Variants in KLC1 observed in about 807,000 individuals in gnomAD.
KLC1 encodes kinesin 2 60/70kDa.
A neutral mutation model predicts 84.2 loss-of-function variants in KLC1; 30 were observed. That is an observed-to-expected ratio of 0.36 (90% CI 0.27 to 0.48). The LOEUF is 0.48. Ranked by LOEUF, KLC1 falls within the 20% of genes least tolerant of loss-of-function variation. The pLI is 0.99. For synonymous variants in KLC1, 289 were observed against 293.3 expected (o/e 0.99, Z 0.15); for missense variants, 499 against 805.4 (o/e 0.62, Z 4.60).
chr14:103,654,919 G>A (rs1470285470), intron 2 of KLC1, 94 bp downstream of exon 2: 1 of 1,373,180 alleles, frequency 7.3e-7, no homozygotes, highest in Non-Finnish European at 9.9e-7. Flanking sequence ...GAAGAGGAAA[G>A]ATGATTATAG....
chr14:103,651,312 ATTAC>A (rs2078423160), intron 1 of KLC1, among the ~76,000 whole-genome samples: 1 of 151,954 alleles, frequency 6.6e-6, no homozygotes. Flanking sequence ...CCAGCTTGCC[ATTAC>A]TTTTATTCAT....
intron 2 of KLC1, among the ~76,000 whole-genome samples, chr14:103,656,733 G>A (rs929228168): frequency 3.3e-5 from 5 of 152,088 alleles, no homozygotes; most frequent in South Asian, 2.1e-4. Flanking sequence ...TTTTGGTGTC[G>A]CAGATAAGAG....
Position 103,693,884 on chromosome 14 carries a change from G to T in KLC1, c.1848+1459G>T. The T allele has an allele frequency of 7.5e-7, 1 of 1,338,912 alleles. No individual in the cohort carries two copies. Among genetic ancestry groups the T allele is most frequent in the South Asian group, 1.9e-5 (1 of 52,774 alleles). 82.9% of individuals were successfully genotyped at this position (1,338,912 alleles called of 1,614,324 possible). ...CTCAGGGAGGCCGAGGTGGCGCTGA[G>T]GTGGCTTCAGCACGCTGGGGATTGG... is the stretch of plus-strand genomic sequence containing the variant. On this transcript the variant is annotated intron_variant, in intron 15 of 16. Transcript: ENST00000334553. The surrounding 1 kb of genome is among the most constrained non-coding windows in gnomAD (Gnocchi z 5.1).
intron 13 of KLC1, among the ~76,000 whole-genome samples, chr14:103,680,800 A>G (rs944275808): frequency 6.6e-6 from 1 of 152,236 alleles, no homozygotes; most frequent in African/African-American, 2.4e-5. Flanking sequence ...CAAGTCCTTT[A>G]TCTAGGCTGT....
chr14:103,634,895 T>TCTTAAGGATG (rs2076940576), intron 1 of KLC1, among the ~76,000 whole-genome samples: 1 of 152,214 alleles, frequency 6.6e-6, no homozygotes, highest in Non-Finnish European at 1.5e-5. Flanking sequence ...GCCTGTTTCC[T>TCTTAAGGATG]GAGAATATTA....
intron 5 of KLC1, among the ~76,000 whole-genome samples, chr14:103,666,075 G>T (rs894106792): frequency 2.6e-5 from 4 of 151,300 alleles, no homozygotes; most frequent in African/African-American, 7.3e-5. Context: ...GCTTCTTTTT[G>T]TTTTTTTTGA....
rs542368758 is a variant in KLC1, at chr14:103,701,140, G to T, written c.*2-61G>T. 10 of 1,545,692 alleles carry T rather than the reference G, an allele frequency of 6.5e-6. 1 individual carries two copies. The South Asian group carries it at 9.5e-5, about 15-fold the overall frequency. ...TCCCCAGAGAGCTGTTTCCAGAACA[G>T]AACTTAGTAACACTGTCAGGTTTTG... On this transcript the variant is annotated intron_variant, in intron 16 of 16. Transcript: ENST00000334553.
At position 103,694,218 on chromosome 14, in the gene KLC1, T is replaced by G. The variant is rs1011856766; in HGVS notation, c.1848+1793T>G. 2.0e-6 allele frequency: 2 copies of G among 984,346 alleles called. No individual in the cohort carries two copies. The highest frequency in any genetic ancestry group is 2.4e-6 in the Non-Finnish European group (2 of 829,720). 61.0% of individuals were successfully genotyped at this position (984,346 alleles called of 1,614,324 possible). On this transcript the variant is annotated intron_variant, in intron 15 of 16. Transcript: ENST00000334553. This position sits in a 1 kb window ranked among gnomAD's most constrained non-coding sequence, Gnocchi z 4.5. Reference sequence around the variant, plus strand: ...TGAGCTGTGTTCTCCCGGACGCCCCTGCACACGAAGCCCATAGAGACGTGT... The same window carrying G: ...TGAGCTGTGTTCTCCCGGACGCCCCGGCACACGAAGCCCATAGAGACGTGT...
Position 103,633,292 on chromosome 14 carries a change from C to T in KLC1, c.-2+3798C>T, listed in dbSNP as rs139780102. ...CAGGATGGTCTCCATCTCCTGACCTCGTGATCCGCCCGCCTTGGCCTCTCA... is the reference window on the plus strand; with the variant it reads ...CAGGATGGTCTCCATCTCCTGACCTTGTGATCCGCCCGCCTTGGCCTCTCA... On this transcript the variant is annotated intron_variant, in intron 1 of 16. Transcript: ENST00000334553. Among the ~76,000 whole-genome samples, 1,203 of 152,040 alleles carry T rather than the reference C, an allele frequency of 7.9e-3. 13 individuals carry two copies. Among genetic ancestry groups the T allele is most frequent in the East Asian group, 0.042 (219 of 5,162 alleles).
At chr14:103,677,761 C>T (rs959394689) in intron 12 of KLC1, among the ~76,000 whole-genome samples, 2 of 151,896 alleles carry the variant, frequency 1.3e-5, no homozygotes, top group Non-Finnish European at 2.9e-5. Flanking sequence ...GAGTTCAAGA[C>T]CAGCCTGGCC....
chr14:103,655,538 G>A (rs1430439137), intron 2 of KLC1, among the ~76,000 whole-genome samples: 6 of 151,920 alleles, frequency 3.9e-5, no homozygotes, highest in Admixed American at 2.0e-4. Context: ...CCAACCTCAC[G>A]TGATCCACCT....
chr14:103,686,726 T>G (rs1595557330), intron 13 of KLC1: 1 of 165,114 alleles, frequency 6.1e-6, no homozygotes, highest in East Asian at 1.6e-4. Flanking sequence ...AAGTCGATTT[T>G]GATGATATTC....
intron 13 of KLC1, 121 bp downstream of exon 13, chr14:103,679,666 C>G (rs750883671): frequency 8.6e-6 from 6 of 694,724 alleles, no homozygotes; most frequent in Non-Finnish European, 1.5e-5. Context: ...GCCAATTAAG[C>G]TTTCTGTAAG....
chr14:103,670,567 C>A (rs545809852), intron 7 of KLC1, among the ~76,000 whole-genome samples: 2 of 152,008 alleles, frequency 1.3e-5, no homozygotes, highest in African/African-American at 4.8e-5. Context: ...AATCTCTTGA[C>A]CTCCTGATCC....
chr14:103,651,079 C>T (rs1012783821), intron 1 of KLC1, among the ~76,000 whole-genome samples: 11 of 151,726 alleles, frequency 7.2e-5, no homozygotes, highest in Non-Finnish European at 1.3e-4. Context: ...GTGAGATCTC[C>T]GCTCACTGCA....
intron 1 of KLC1, among the ~76,000 whole-genome samples, chr14:103,652,761 G>T (rs548297421): frequency 1.3e-5 from 2 of 152,326 alleles, no homozygotes; most frequent in Non-Finnish European, 2.9e-5. Context: ...AAAGTGCTGG[G>T]ATTACAGGCA....
At chr14:103,658,523 C>G (rs2151531715) in intron 3 of KLC1, among the ~76,000 whole-genome samples, 1 of 151,356 alleles carries the variant, frequency 6.6e-6, no homozygotes, top group Admixed American at 6.6e-5. Context: ...GATCTGCCCA[C>G]CTCAGCCTCC....
intron 7 of KLC1, 90 bp downstream of exon 7, chr14:103,670,373 T>G: frequency 1.2e-6 from 1 of 829,264 alleles, no homozygotes. Context: ...AGTCTCGTTC[T>G]GTCACCGGGC....
rs1056657376 is a variant in KLC1, at chr14:103,701,314, A to T, written c.*115A>T. On this transcript the variant is annotated 3_prime_UTR_variant, in exon 17 of 17. Coordinates refer to ENST00000334553, the MANE Select transcript of KLC1 (RefSeq NM_001394837.1). ...TGGCCGGGAGCCGCAGCGCTCACTC[A>T]TTTCTCCTGCGTCTGTGTGCATAGG... The T allele has an allele frequency of 8.8e-7, 1 of 1,134,416 alleles. No individual in the cohort carries two copies. The highest frequency in any genetic ancestry group is 2.6e-5 in the East Asian group (1 of 38,826). The allele number at this position is 1,134,416 out of a possible 1,614,324, so 70.3% of individuals were successfully genotyped here.
Sources: allele counts gnomAD v4.1 joint callset (sites outside exome capture counted in the v4.1 genomes callset), GRCh38; gene constraint gnomAD v4.1.1; non-coding constraint Gnocchi (gnomAD v3.1); transcripts MANE v1.5; gene names NCBI Gene and HGNC (gene_info 2026-07-23, HGNC 2026-07-21).